Variants in MMP11 observed in about 807,000 individuals in gnomAD.
MMP11 encodes matrix metallopeptidase 11.
MMP11 carries 26 observed loss-of-function variants against 49.5 expected under a neutral mutation model. That is an observed-to-expected ratio of 0.52 (90% CI 0.38 to 0.73). MMP11 has a LOEUF of 0.73. Among genes scored for constraint, MMP11 ranks in the 30% least tolerant of loss-of-function variants. The pLI, the probability that MMP11 is intolerant of heterozygous loss-of-function variation, is 0.00. For synonymous variants in MMP11, 265 were observed against 282.3 expected (o/e 0.94, Z 0.62); for missense variants, 624 against 671.2 (o/e 0.93, Z 0.78).
intron 1 of MMP11, among the ~76,000 whole-genome samples, chr22:23,773,476 G>T (rs1927307757): frequency 6.6e-6 from 1 of 152,220 alleles, no homozygotes; most frequent in Non-Finnish European, 1.5e-5. Context: ...TAAGCCTGGA[G>T]ATGTCCCCCG....
chr22:23,784,058 A>G lies in MMP11; in HGVS notation c.*514A>G, dbSNP rs907745424. 7 of 158,144 alleles carry G rather than the reference A, an allele frequency of 4.4e-5. No individual in the cohort carries two copies. Among genetic ancestry groups the G allele is most frequent in the Non-Finnish European group, 7.1e-5 (5 of 70,740 alleles). The allele number at this position is 158,144 out of a possible 1,614,324, so 9.8% of individuals were successfully genotyped here. On this transcript the variant is annotated 3_prime_UTR_variant, in exon 8 of 8. Transcript: ENST00000215743. ...GCATCTGTCTGCCTTCTGGCTGACA[A>G]TCCTGGAAATCTGTTCTCCAGAATC...
chr22:23,778,734 C>G (rs1927501181), intron 1 of MMP11, among the ~76,000 whole-genome samples: 1 of 152,208 alleles, frequency 6.6e-6, no homozygotes, highest in African/African-American at 2.4e-5. Flanking sequence ...ATGACAGGGA[C>G]AGGAGCATGA....
intron 2 of MMP11, chr22:23,779,661 C>T (rs1601372529): frequency 1.1e-5 from 6 of 565,022 alleles, no homozygotes; most frequent in South Asian, 2.4e-5. Context: ...TGCAAAGAGT[C>T]GCAGCACATG....
At chr22:23,779,149 T>C (rs1268644408) in intron 1 of MMP11, 38 bp from the exon 2 acceptor site, 3 of 1,494,110 alleles carry the variant, frequency 2.0e-6, no homozygotes, top group Admixed American at 3.9e-5. Context: ...ATGTGGACCT[T>C]AGGCCTGACC....
rs1285458282 is a variant in MMP11 at position 23,783,659 on chromosome 22, C to A, written c.*115C>A. ...ACCAGGCATGGGACTGAGCCCATGT[C>A]TCCTCAGGGGGATGGGGTGGGGTAC... On this transcript the variant is annotated 3_prime_UTR_variant, in exon 8 of 8. Transcript: ENST00000215743. 7 of 1,421,510 alleles carry A rather than the reference C, an allele frequency of 4.9e-6. No individual in the cohort carries two copies. Among genetic ancestry groups the A allele is most frequent in the Admixed American group, 1.7e-5 (1 of 57,446 alleles). The allele number at this position is 1,421,510 out of a possible 1,614,324, so 88.1% of individuals were successfully genotyped here. A position where few individuals can be genotyped will look rare whatever the true frequency, so the allele number is the denominator to read the frequency against.
At chr22:23,777,356 A>C (rs1463381053) in intron 1 of MMP11, among the ~76,000 whole-genome samples, 2 of 151,814 alleles carry the variant, frequency 1.3e-5, no homozygotes, top group African/African-American at 4.8e-5. Flanking sequence ...TCACAAGGTC[A>C]GGAGATCGAG....
At position 23,781,100 on chromosome 22, in the gene MMP11, G is replaced by A; in HGVS notation, c.858G>A (p.Glu286=). The A allele has an allele frequency of 6.2e-7, 1 of 1,607,342 alleles. No homozygotes were observed. Among genetic ancestry groups the A allele is most frequent in the Non-Finnish European group, 8.5e-7 (1 of 1,179,440 alleles). Residue 286 remains glutamate (E), a splice_region_variant and synonymous_variant, in exon 5 of 8, where the codon GAG becomes GAA. Coordinates refer to ENST00000215743, the MANE Select transcript of MMP11 (RefSeq NM_005940.5). ...ACACCAATGAGATTGCACCGCTGGAGGTGAGGCCCTGCCTGCCAGTCCCCC... is the reference window on the plus strand; with the variant it reads ...ACACCAATGAGATTGCACCGCTGGAAGTGAGGCCCTGCCTGCCAGTCCCCC... ...GIDTNEIAPL[E]PDAPPDACEA... is the part of the protein sequence containing the mutation.
chr22:23,780,547 C>T lies in MMP11; in HGVS notation c.483-35C>T, dbSNP rs1325927198. On this transcript the variant is annotated intron_variant, in intron 3 of 7. Coordinates refer to ENST00000215743, the MANE Select transcript of MMP11 (RefSeq NM_005940.5). The surrounding 1 kb of genome is among the most constrained non-coding windows in gnomAD (Gnocchi z 4.6). ...CCCCTCCGGGAACAGCCTCGCCTGCCAGCAGCCACTGACCCCGCCCCCACC... is the reference window on the plus strand; with the variant it reads ...CCCCTCCGGGAACAGCCTCGCCTGCTAGCAGCCACTGACCCCGCCCCCACC... 1.2e-6 allele frequency: 2 copies of T among 1,612,012 alleles called. No individual in the cohort carries two copies. Among genetic ancestry groups the T allele is most frequent in the East Asian group, 2.2e-5 (1 of 44,864 alleles).
chr22:23,773,221 G>A (rs1334815523), intron 1 of MMP11, among the ~76,000 whole-genome samples: 1 of 152,220 alleles, frequency 6.6e-6, no homozygotes, highest in African/African-American at 2.4e-5. Context: ...CTGGACTCAC[G>A]CTTGCTCCCA....
rs769484121 is a variant in MMP11 at position 23,772,913 on chromosome 22, C to T, written c.43C>T (p.Leu15Phe). ...GCTCCGCAGCGCGGCCGCGCGCGCC[C>T]TCCTGCCCCCGATGCTGCTGCTGCT... is the stretch of plus-strand genomic sequence containing the variant. ...AWLRSAAARA[L>F]LPPMLLLLLQ... The change falls in exon 1 of 8, where the codon CTC becomes TTC. Residue 15 changes from leucine to phenylalanine, a missense_variant. Transcript: ENST00000215743. 1.7e-6 allele frequency: 2 copies of T among 1,195,588 alleles called. No homozygotes were observed. Among genetic ancestry groups the T allele is most frequent in the South Asian group, 3.6e-5 (1 of 28,030 alleles). 74.1% of individuals were successfully genotyped at this position (1,195,588 alleles called of 1,614,324 possible).
Position 23,772,853 on chromosome 22 carries a change from C to T in MMP11, c.-18C>T. 4 of 1,149,606 alleles carry T rather than the reference C, an allele frequency of 3.5e-6. No individual in the cohort carries two copies. The highest frequency in any genetic ancestry group is 4.3e-6 in the Non-Finnish European group (4 of 935,246). The allele number at this position is 1,149,606 out of a possible 1,614,324, so 71.2% of individuals were successfully genotyped here. A position where few individuals can be genotyped will look rare whatever the true frequency, so the allele number is the denominator to read the frequency against. On this transcript the variant is annotated 5_prime_UTR_variant, in exon 1 of 8. Transcript: ENST00000215743. ...GGCGGCCCGGAGCGGCCCAGCAAGC[C>T]CAGCAGCCCCGGGGCGGATGGCTCC...
chr22:23,780,752 C>T lies in MMP11; in HGVS notation c.616+37C>T, dbSNP rs769518899. 4.8e-5 allele frequency: 74 copies of T among 1,549,512 alleles called. No homozygotes were observed. In the Middle Eastern group the frequency reaches 1.2e-3, roughly 26 times the overall value. ...GGACCCATTTTCCAGATGGGGCAAC[C>T]GAAGATCATAAAGAATGGGGACTCG... On this transcript the variant is annotated intron_variant, in intron 4 of 7. Transcript: ENST00000215743. This position sits in a 1 kb window ranked among gnomAD's most constrained non-coding sequence, Gnocchi z 4.6.
chr22:23,779,310 C>T lies in MMP11; in HGVS notation c.232C>T (p.Pro78Ser), dbSNP rs61752251. 1.4e-3 allele frequency: 2,184 copies of T among 1,612,364 alleles called. No individual in the cohort carries two copies. Among genetic ancestry groups the T allele is most frequent in the Non-Finnish European group, 1.7e-3 (1,997 of 1,179,684 alleles). ...APRPASSLRPPRCGVPDPSDG... is the reference protein window; with the variant it reads ...APRPASSLRPSRCGVPDPSDG... ...CCGGCCTGCCAGCAGCCTCAGGCCT[C>T]CCCGCTGTGGCGTGCCCGACCCATC... The change falls in exon 2 of 8, where the codon CCC becomes TCC. Residue 78 changes from proline (P) to serine (S), a missense_variant. Pro to Ser is a moderately conservative substitution (Grantham distance 74). Coordinates refer to ENST00000215743, the MANE Select transcript of MMP11 (RefSeq NM_005940.5).
At chr22:23,782,154 C>T in intron 6 of MMP11, 72 bp from the exon 7 acceptor site, 2 of 1,565,480 alleles carry the variant, frequency 1.3e-6, no homozygotes, top group Admixed American at 1.8e-5. Context: ...TGGTAGGGGT[C>T]AAGCAGGTCC....
At chr22:23,775,216 A>T (rs1569154851) in intron 1 of MMP11, among the ~76,000 whole-genome samples, 1 of 152,068 alleles carries the variant, frequency 6.6e-6, no homozygotes, top group Non-Finnish European at 1.5e-5. Flanking sequence ...TTGCTGTGTG[A>T]CCCCGGGCAA....
chr22:23,778,813 G>A (rs1927504117), intron 1 of MMP11, among the ~76,000 whole-genome samples: 1 of 152,236 alleles, frequency 6.6e-6, no homozygotes, highest in Non-Finnish European at 1.5e-5. Flanking sequence ...GTGGGGAGCA[G>A]GAGGAGGTTG....
At chr22:23,779,470 C>A (rs1201704586) in intron 2 of MMP11, 54 bp downstream of exon 2, 1 of 1,461,460 alleles carries the variant, frequency 6.8e-7, no homozygotes, top group Admixed American at 1.9e-5. Context: ...CGTGGGTAAG[C>A]CAGCTGCCCT....
At position 23,779,327 on chromosome 22, in the gene MMP11, C is replaced by T. The variant is rs144178537; in HGVS notation, c.249C>T (p.Pro83=). The T allele has an allele frequency of 2.2e-5, 36 of 1,612,706 alleles. No homozygotes were observed. Among genetic ancestry groups the T allele is most frequent in the African/African-American group, 5.3e-5 (4 of 74,922 alleles). ...TCAGGCCTCCCCGCTGTGGCGTGCC[C>T]GACCCATCTGATGGGCTGAGTGCCC... ...SSLRPPRCGV[P]DPSDGLSARN... The change falls in exon 2 of 8, where the codon CCC becomes CCT. Residue 83 remains proline, a synonymous_variant. Coordinates refer to ENST00000215743, the MANE Select transcript of MMP11 (RefSeq NM_005940.5).
rs139719162 is a variant in MMP11 at position 23,783,489 on chromosome 22, G to A, written c.1412G>A (p.Arg471His). ...GTGAAGGCTCTGGAAGGCTTCCCCC[G>A]TCTCGTGGGTCCTGACTTCTTTGGC... is the stretch of plus-strand genomic sequence containing the variant. ...VKVKALEGFP[R>H]LVGPDFFGCA... is the part of the protein sequence containing the mutation. Residue 471 changes from arginine to histidine, a missense_variant, in exon 8 of 8, where the codon CGT becomes CAT. By Grantham distance (29) the Arg-to-His change is conservative. Coordinates refer to ENST00000215743, the MANE Select transcript of MMP11 (RefSeq NM_005940.5). 1.7e-5 allele frequency: 28 copies of A among 1,614,064 alleles called. No individual in the cohort carries two copies. The highest frequency in any genetic ancestry group is 2.7e-5 in the African/African-American group (2 of 74,940).
Sources: gnomAD v4.1 joint callset for allele counts (sites outside exome capture counted in the v4.1 genomes callset) on GRCh38, gnomAD v4.1.1 for gene constraint, Gnocchi (gnomAD v3.1) non-coding constraint, MANE v1.5 for transcripts, NCBI Gene and HGNC (gene_info 2026-07-23, HGNC 2026-07-21) for gene names.